Variants in TRHDE observed in about 807,000 individuals in gnomAD.
The protein encoded by TRHDE is thyrotropin-releasing hormone-degrading ectoenzyme.
Under a neutral mutation model 125.7 loss-of-function variants are expected in TRHDE, and 72 were observed. That is an observed-to-expected ratio of 0.57 (90% CI 0.47 to 0.70). The LOEUF (loss-of-function observed/expected upper bound fraction) is 0.70. Among genes scored for constraint, TRHDE ranks in the 30% least tolerant of loss-of-function variants. The pLI is 0.00. For missense variants in TRHDE, 1,110 were observed against 1,327.1 expected (o/e 0.84, Z 2.54); for synonymous variants, 509 against 509.1 (o/e 1.00, Z 0.00).
intron 2 of TRHDE, among the ~76,000 whole-genome samples, chr12:72,171,599 A>G (rs1431437423): frequency 1.3e-5 from 2 of 152,054 alleles, no homozygotes; most frequent in African/African-American, 4.8e-5. Flanking sequence ...GTGCGCCTAT[A>G]TTTGTGTTGC....
chr12:72,130,544 A>G (rs1188247308), intron 2 of TRHDE, among the ~76,000 whole-genome samples: 1 of 152,218 alleles, frequency 6.6e-6, no homozygotes, highest in Non-Finnish European at 1.5e-5. Context: ...ATAGGAGAAT[A>G]TCTTCATGAC....
At chr12:72,152,686 G>T (rs892368906) in intron 2 of TRHDE, among the ~76,000 whole-genome samples, 1 of 152,076 alleles carries the variant, frequency 6.6e-6, no homozygotes, top group Non-Finnish European at 1.5e-5. Flanking sequence ...CTGTTTATAC[G>T]CTGGATTACG....
intron 3 of TRHDE, among the ~76,000 whole-genome samples, chr12:72,385,624 A>T (rs1261916224): frequency 6.6e-6 from 1 of 152,126 alleles, no homozygotes; most frequent in African/African-American, 2.4e-5. Flanking sequence ...TCAAATGGCC[A>T]CAGTTATTTC....
At chr12:72,453,898 T>C (rs2135874386) in intron 3 of TRHDE, among the ~76,000 whole-genome samples, 1 of 152,346 alleles carries the variant, frequency 6.6e-6, no homozygotes, top group African/African-American at 2.4e-5. Flanking sequence ...TGCACAAGTT[T>C]TCCTAAGTTG....
At chr12:72,344,216 C>T (rs985360707) in intron 2 of TRHDE, among the ~76,000 whole-genome samples, 4 of 151,968 alleles carry the variant, frequency 2.6e-5, no homozygotes. Context: ...CTTGTAAAGC[C>T]TCAGTTTCCA....
intron 2 of TRHDE, among the ~76,000 whole-genome samples, chr12:72,352,198 G>A (rs1870612653): frequency 1.3e-5 from 2 of 151,566 alleles, no homozygotes; most frequent in Admixed American, 1.3e-4. Context: ...ATGATTGACT[G>A]AGTGAATCAG....
At position 72,369,218 on chromosome 12, in the gene TRHDE, C is replaced by G. The variant is rs148340537; in HGVS notation, c.1189-8777C>G. 8.9e-3 allele frequency among the ~76,000 whole-genome samples: 1,350 copies of G among 152,250 alleles called. 70 individuals are homozygous for G. Among genetic ancestry groups the G allele is most frequent in the Admixed American group, 0.078 (1,199 of 15,282 alleles). ...ACACCAACAGGAGCTCCCATTTTAT[C>G]CTAAGGGATCAAAAATTTGTAGTCC... On this transcript the variant is annotated intron_variant, in intron 2 of 18. Transcript: ENST00000261180.
intron 2 of TRHDE, among the ~76,000 whole-genome samples, chr12:72,315,667 G>A (rs898612422): frequency 6.6e-6 from 1 of 152,232 alleles, no homozygotes; most frequent in Non-Finnish European, 1.5e-5. Flanking sequence ...GGCCACAGGA[G>A]CCCAGGACTG....
At chr12:72,458,646 C>G (rs1234320455) in intron 3 of TRHDE, among the ~76,000 whole-genome samples, 2 of 152,126 alleles carry the variant, frequency 1.3e-5, no homozygotes, top group Non-Finnish European at 2.9e-5. Flanking sequence ...CTAGGGGTGA[C>G]TCAAACTCAG....
Position 72,592,564 on chromosome 12 carries a change from TTCTC to T in TRHDE, c.2321+17034_2321+17037del, listed in dbSNP as rs112791654. On this transcript the variant is annotated intron_variant, in intron 12 of 18. Coordinates refer to ENST00000261180, the MANE Select transcript of TRHDE (RefSeq NM_013381.3). ...ACATTAAGTTGTGGTGATTTTTTTT[TTCTC>T]TCTCTCTCTCTATTTTTGTTGTTTC... Among the ~76,000 whole-genome samples the T allele has an allele frequency of 9.2e-5, 14 of 151,410 alleles. No individual in the cohort carries two copies. The East Asian group carries it at 1.4e-3, about 15-fold the overall frequency.
chr12:72,327,768 T>A (rs1869407310), intron 2 of TRHDE, among the ~76,000 whole-genome samples: 1 of 152,148 alleles, frequency 6.6e-6, no homozygotes, highest in Non-Finnish European at 1.5e-5. Context: ...GAAAAAAAGA[T>A]GTAACATAAA....
At chr12:72,120,506 T>A (rs550337109) in intron 2 of TRHDE, among the ~76,000 whole-genome samples, 2 of 152,180 alleles carry the variant, frequency 1.3e-5, no homozygotes, top group African/African-American at 4.8e-5. Context: ...TTGTTATCTG[T>A]TTTATGTTGT....
intron 2 of TRHDE, among the ~76,000 whole-genome samples, chr12:72,361,552 TA>T (rs1262543239): frequency 2.7e-5 from 4 of 149,240 alleles, no homozygotes; most frequent in Non-Finnish European, 4.4e-5. Context: ...TTTTATAATT[TA>T]TTTTTTTTTT....
At chr12:72,343,490 A>G (rs1016611066) in intron 2 of TRHDE, among the ~76,000 whole-genome samples, 1 of 152,154 alleles carries the variant, frequency 6.6e-6, no homozygotes, top group African/African-American at 2.4e-5. Context: ...AATATCATTA[A>G]GATTTGCATG....
intron 2 of TRHDE, among the ~76,000 whole-genome samples, chr12:72,171,310 C>T (rs1422898532): frequency 6.6e-6 from 1 of 151,998 alleles, no homozygotes; most frequent in Non-Finnish European, 1.5e-5. Flanking sequence ...GGGAAAAGAC[C>T]CAGGCTCTCA....
At chr12:72,520,873 T>C (rs1879162622) in intron 6 of TRHDE, among the ~76,000 whole-genome samples, 1 of 152,234 alleles carries the variant, frequency 6.6e-6, no homozygotes, top group South Asian at 2.1e-4. Flanking sequence ...ATAAAACTGG[T>C]ATTAACTTAA....
intron 3 of TRHDE, among the ~76,000 whole-genome samples, chr12:72,405,193 C>G (rs1350035560): frequency 6.6e-6 from 1 of 152,180 alleles, no homozygotes; most frequent in African/African-American, 2.4e-5. Flanking sequence ...ATAGATATAT[C>G]TGATAGAGCA....
rs1396414370 is a variant in TRHDE at position 72,653,153 on chromosome 12, C to T, written c.2981C>T (p.Thr994Ile). The T allele has an allele frequency of 3.7e-6, 6 of 1,603,988 alleles. No individual in the cohort carries two copies. Among genetic ancestry groups the T allele is most frequent in the Middle Eastern group, 3.3e-4 (2 of 6,018 alleles). ...FFRDKWKILN[T>I]RYGEALFMNS... ...AGGGATAAATGGAAGATATTAAATA[C>T]CAGGTAGAAATTAGAATTCTTACTT... Residue 994 changes from threonine to isoleucine, a missense_variant, in exon 17 of 19, where the codon ACC (threonine) becomes ATC (isoleucine). Physicochemically the swap from Thr to Ile is moderately conservative, Grantham distance 89. Around this residue, in one of 5 missense-constraint regions of TRHDE, gnomAD observed 527 missense variants for 651.8 expected, o/e 0.81. Transcript: ENST00000261180.
chr12:72,105,316 A>T (rs1241026609), intron 1 of TRHDE, among the ~76,000 whole-genome samples: 1 of 152,176 alleles, frequency 6.6e-6, no homozygotes, highest in East Asian at 1.9e-4. Flanking sequence ...CGGAGAGATC[A>T]CAGAGAAAAG....
Sources: allele counts gnomAD v4.1 joint callset (sites outside exome capture counted in the v4.1 genomes callset), GRCh38; gene constraint gnomAD v4.1.1; regional missense constraint gnomAD v4.1.1; transcripts MANE v1.5; gene names NCBI Gene and HGNC (gene_info 2026-07-23, HGNC 2026-07-21).